The following SEMA5B variants were observed in gnomAD, a reference collection of about 807,000 sequenced individuals.
SEMA5B encodes the protein semaphorin-5B.
A neutral mutation model predicts 135.0 loss-of-function variants in SEMA5B; 66 were observed. The observed-to-expected ratio is 0.49, with a 90% confidence interval of 0.40 to 0.60. The LOEUF (loss-of-function observed/expected upper bound fraction) is 0.60, where lower values mean the gene tolerates loss of function less well. Among genes scored for constraint, SEMA5B ranks in the 20% least tolerant of loss-of-function variants. The pLI, the probability that SEMA5B is intolerant of heterozygous loss-of-function variation, is 0.00. For synonymous variants in SEMA5B, 690 were observed against 639.5 expected, an observed-to-expected ratio of 1.08 and a Z score of -1.19; for missense variants, 1,501 against 1,566.3, an observed-to-expected ratio of 0.96 and a Z score of 0.70.
At chr3:123,002,748 C>T (rs576782374) in intron 1 of SEMA5B, among the ~76,000 whole-genome samples, 1 of 152,206 alleles carries the variant, frequency 6.6e-6, no homozygotes, top group African/African-American at 2.4e-5. Flanking sequence ...AGAGGGATTC[C>T]TTTTTGAGCA....
chr3:122,911,469 A>G (rs1324094672), intron 21 of SEMA5B, 22 bp downstream of exon 21: 1 of 1,601,382 alleles, frequency 6.2e-7, no homozygotes, highest in Non-Finnish European at 8.5e-7. Flanking sequence ...CCGCAGCATG[A>G]GGTAGGTCCG....
At chr3:122,962,916 G>A (rs1188197917) in intron 1 of SEMA5B, among the ~76,000 whole-genome samples, 5 of 152,102 alleles carry the variant, frequency 3.3e-5, no homozygotes, top group African/African-American at 4.8e-5. Context: ...GGAGGCTAGA[G>A]AGGAGGGAAA....
chr3:122,922,461 C>T lies in SEMA5B; in HGVS notation c.1273-14G>A, dbSNP rs755389574. The T allele has an allele frequency of 1.6e-5, 25 of 1,576,044 alleles. No individual in the cohort carries two copies. The South Asian group carries it at 2.9e-4, about 18-fold the overall frequency. On this transcript the variant is annotated splice_polypyrimidine_tract_variant and intron_variant, in intron 10 of 22. Transcript: ENST00000357599. ...CAGGGTGCCACACTGCCGCGGGGAG[C>T]CAGGTCACGCGCGCCCCGGCCACCA... is the stretch of plus-strand genomic sequence containing the variant.
intron 1 of SEMA5B, among the ~76,000 whole-genome samples, chr3:122,968,692 G>A (rs1049056059): frequency 1.3e-5 from 2 of 152,084 alleles, no homozygotes; most frequent in African/African-American, 2.4e-5. Flanking sequence ...CATCCTCCAG[G>A]CACCAGGCAA....
At chr3:122,954,792 C>CTTTT (rs34786092) in intron 2 of SEMA5B, among the ~76,000 whole-genome samples, 1 of 129,942 alleles carries the variant, frequency 7.7e-6, no homozygotes. Context: ...GGGTGGTCAT[C>CTTTT]TTTTTTTTTT....
intron 5 of SEMA5B, among the ~76,000 whole-genome samples, chr3:122,935,686 C>CTTTCT (rs1939233868): frequency 1.0e-4 from 7 of 70,266 alleles, no homozygotes; most frequent in Non-Finnish European, 5.5e-5. Context: ...TTCTTTCTTT[C>CTTTCT]TTTTTTTTTT....
intron 1 of SEMA5B, chr3:122,975,091 T>A (rs1941270708): frequency 6.6e-6 from 1 of 152,212 alleles, no homozygotes; most frequent in Non-Finnish European, 1.5e-5. Context: ...GGAAACCGTG[T>A]CATTTTCTTA....
At chr3:122,983,272 G>A (rs1941583948) in intron 1 of SEMA5B, among the ~76,000 whole-genome samples, 1 of 151,722 alleles carries the variant, frequency 6.6e-6, no homozygotes, top group Non-Finnish European at 1.5e-5. Flanking sequence ...TTTTTGGGGG[G>A]GTTTTGTTTC....
intron 1 of SEMA5B, among the ~76,000 whole-genome samples, chr3:123,021,547 C>T (rs1272037452): frequency 1.3e-5 from 2 of 152,182 alleles, no homozygotes; most frequent in African/African-American, 4.8e-5. Context: ...TTTTGTATTC[C>T]TAACAGGGGG....
chr3:122,950,745 ACAGAGGCAC>A (rs1940009111), intron 2 of SEMA5B, among the ~76,000 whole-genome samples: 1 of 152,236 alleles, frequency 6.6e-6, no homozygotes. Flanking sequence ...AAAACAGACC[ACAGAGGCAC>A]CTGCACATGT....
At chr3:122,949,910 A>G (rs1352408543) in intron 2 of SEMA5B, among the ~76,000 whole-genome samples, 3 of 152,104 alleles carry the variant, frequency 2.0e-5, no homozygotes, top group African/African-American at 7.2e-5. Context: ...CTGCTCCCCA[A>G]ATTATCCTTT....
intron 1 of SEMA5B, among the ~76,000 whole-genome samples, chr3:122,994,159 A>C (rs1941963100): frequency 6.6e-6 from 1 of 151,892 alleles, no homozygotes; most frequent in South Asian, 2.1e-4. Flanking sequence ...CCACCAAGAC[A>C]CCCCACAGAT....
intron 1 of SEMA5B, among the ~76,000 whole-genome samples, chr3:122,972,869 T>C (rs1179470202): frequency 6.6e-6 from 1 of 151,830 alleles, no homozygotes; most frequent in Non-Finnish European, 1.5e-5. Context: ...ATGCTCAGAG[T>C]GGGAAGTTAG....
At chr3:122,965,841 C>G (rs1940794015) in intron 1 of SEMA5B, among the ~76,000 whole-genome samples, 1 of 152,172 alleles carries the variant, frequency 6.6e-6, no homozygotes, top group African/African-American at 2.4e-5. Flanking sequence ...GCCCAGGACC[C>G]AGGATTAAGA....
rs754906640 is a variant in SEMA5B, at chr3:122,922,356, A to G, written c.1364T>C (p.Val455Ala). The G allele has an allele frequency of 6.2e-7, 1 of 1,613,408 alleles. No homozygotes were observed. Among genetic ancestry groups the G allele is most frequent in the Non-Finnish European group, 8.5e-7 (1 of 1,179,768 alleles). The change falls in exon 11 of 23, where the codon GTG (valine) becomes GCG (alanine). Residue 455 changes from valine to alanine, a missense_variant. Coordinates refer to ENST00000357599, the MANE Select transcript of SEMA5B (RefSeq NM_001031702.4). ...AQRLFLMSEA[V>A]QPVTPEPCVT... is the part of the protein sequence containing the mutation. Reference sequence around the variant, plus strand: ...ACAGGGCTCGGGTGTCACCGGCTGCACGGCCTCGCTCATCAGGAAGAGGCG... The same window carrying G: ...ACAGGGCTCGGGTGTCACCGGCTGCGCGGCCTCGCTCATCAGGAAGAGGCG...
chr3:122,943,348 G>A (rs1939646666), intron 4 of SEMA5B, 88 bp downstream of exon 4: 1 of 902,562 alleles, frequency 1.1e-6, no homozygotes, highest in South Asian at 1.6e-5. Context: ...ACGCGGGGCT[G>A]CCCAGGTGAG....
At chr3:122,932,884 A>G (rs1029880380) in intron 5 of SEMA5B, among the ~76,000 whole-genome samples, 1 of 152,140 alleles carries the variant, frequency 6.6e-6, no homozygotes, top group Admixed American at 6.5e-5. Context: ...ACACTTGGCT[A>G]GTTTTTAAAA....
At chr3:122,986,901 GGCCCGGCCGTGA>G (rs1381656655) in intron 1 of SEMA5B, among the ~76,000 whole-genome samples, 1 of 152,192 alleles carries the variant, frequency 6.6e-6, no homozygotes, top group Non-Finnish European at 1.5e-5. Flanking sequence ...AGTTTAGGAG[GGCCCGGCCGTGA>G]GCTAGCAGGC....
chr3:122,966,635 A>G (rs1372474335), intron 1 of SEMA5B, among the ~76,000 whole-genome samples: 2 of 150,194 alleles, frequency 1.3e-5, no homozygotes, highest in Non-Finnish European at 3.0e-5. Flanking sequence ...GCTCACTGCA[A>G]GCTCCGCCTC....
Sources: gnomAD v4.1 joint callset for allele counts (sites outside exome capture counted in the v4.1 genomes callset) on GRCh38, gnomAD v4.1.1 for gene constraint, MANE v1.5 for transcripts, NCBI Gene and HGNC (gene_info 2026-07-23, HGNC 2026-07-21) for gene names.